XKR6: variants seen among roughly 807,000 people sequenced by gnomAD.
The protein encoded by XKR6 is XK-related protein 6.
XKR6 carries 22 observed loss-of-function variants against 56.7 expected under a neutral mutation model. The ratio of observed to expected loss-of-function variants is 0.39; its 90% CI spans 0.28 to 0.55. The LOEUF is 0.55. Among genes scored for constraint, XKR6 ranks in the 20% least tolerant of loss-of-function variants. The pLI, the probability that XKR6 is intolerant of heterozygous loss-of-function variation, is 0.66. For synonymous variants in XKR6, 524 were observed against 387.8 expected, an observed-to-expected ratio of 1.35 and a Z score of -4.13; for missense variants, 852 against 889.0, an observed-to-expected ratio of 0.96 and a Z score of 0.53.
intron 1 of XKR6, among the ~76,000 whole-genome samples, chr8:11,183,652 GA>G (rs1803114161): frequency 6.6e-6 from 1 of 152,046 alleles, no homozygotes; most frequent in African/African-American, 2.4e-5. Flanking sequence ...AATTATTTAA[GA>G]TTACATCTGT....
intron 1 of XKR6, among the ~76,000 whole-genome samples, chr8:10,994,802 G>A (rs760733455): frequency 3.3e-5 from 5 of 152,186 alleles, no homozygotes; most frequent in African/African-American, 4.8e-5. Flanking sequence ...AATACAGCCA[G>A]AATGCAAATA....
intron 1 of XKR6, among the ~76,000 whole-genome samples, chr8:10,999,746 C>A (rs892734619): frequency 3.3e-5 from 5 of 152,092 alleles, no homozygotes; most frequent in African/African-American, 1.2e-4. Context: ...TAAAAAGAAT[C>A]AGGAAATGAG....
intron 2 of XKR6, among the ~76,000 whole-genome samples, chr8:10,910,718 G>T (rs538817843): frequency 6.6e-6 from 1 of 152,198 alleles, no homozygotes; most frequent in Non-Finnish European, 1.5e-5. Context: ...GGCCCAGGAG[G>T]AGGAACGCTA....
At chr8:11,127,403 T>C (rs1486484975) in intron 1 of XKR6, among the ~76,000 whole-genome samples, 1 of 152,236 alleles carries the variant, frequency 6.6e-6, no homozygotes, top group African/African-American at 2.4e-5. Flanking sequence ...ATGTAACAAA[T>C]TACAATTACA....
chr8:11,130,558 C>G (rs1800054377), intron 1 of XKR6, among the ~76,000 whole-genome samples: 1 of 151,296 alleles, frequency 6.6e-6, no homozygotes, highest in African/African-American at 2.4e-5. Flanking sequence ...CTTCCTTAGG[C>G]TAAAGGGCTA....
chr8:11,021,699 G>A (rs975569581), intron 1 of XKR6, among the ~76,000 whole-genome samples: 1 of 152,072 alleles, frequency 6.6e-6, no homozygotes, highest in Non-Finnish European at 1.5e-5. Flanking sequence ...TATATTCTTG[G>A]TGCTTCTTTT....
In XKR6 at chr8:11,173,366, TACACAC is replaced by T. The variant is rs528628983; in HGVS notation, c.764+27204_764+27209del. On this transcript the variant is annotated intron_variant, in intron 1 of 2. Transcript: ENST00000416569. ...CTTAAAAAAAATATATATATATATA[TACACAC>T]ACACACACACACACAAATATATATA... 6.9e-5 allele frequency among the ~76,000 whole-genome samples: 10 copies of T among 143,974 alleles called. No homozygotes were observed. In the South Asian group the frequency reaches 1.3e-3, roughly 19 times the overall value. The allele number at this position is 143,974 out of a possible 152,430, so 94.5% of individuals were successfully genotyped here.
At chr8:10,912,735 C>A (rs1480359457) in intron 2 of XKR6, among the ~76,000 whole-genome samples, 4 of 135,990 alleles carry the variant, frequency 2.9e-5, no homozygotes, top group Non-Finnish European at 4.7e-5. Flanking sequence ...AGTGTATATG[C>A]ACATATATAG....
At chr8:11,102,373 G>C (rs981947760) in intron 1 of XKR6, among the ~76,000 whole-genome samples, 9 of 152,140 alleles carry the variant, frequency 5.9e-5, no homozygotes, top group African/African-American at 2.2e-4. Flanking sequence ...CTGAAGTCTA[G>C]TAAGCATCAT....
chr8:11,162,895 G>C (rs969810882), intron 1 of XKR6, among the ~76,000 whole-genome samples: 1 of 152,180 alleles, frequency 6.6e-6, no homozygotes, highest in African/African-American at 2.4e-5. Flanking sequence ...GAGTGTTTTA[G>C]GAGTTCACAG....
intron 1 of XKR6, among the ~76,000 whole-genome samples, chr8:11,179,816 A>C (rs1802872810): frequency 6.6e-6 from 1 of 152,188 alleles, no homozygotes; most frequent in African/African-American, 2.4e-5. Context: ...TTACCAAGGG[A>C]GAAAACAGAT....
At chr8:11,064,512 C>A (rs1379875868) in intron 1 of XKR6, among the ~76,000 whole-genome samples, 2 of 152,150 alleles carry the variant, frequency 1.3e-5, no homozygotes, top group Admixed American at 6.5e-5. Context: ...AGTGCTTAGT[C>A]AAAAGCATAC....
At chr8:10,989,685 T>C (rs983070630) in intron 1 of XKR6, among the ~76,000 whole-genome samples, 4 of 152,240 alleles carry the variant, frequency 2.6e-5, no homozygotes, top group African/African-American at 9.6e-5. Flanking sequence ...AAGTTGTGAA[T>C]GTTAAACAAT....
At chr8:11,131,030 G>A (rs183185720) in intron 1 of XKR6, among the ~76,000 whole-genome samples, 7 of 152,196 alleles carry the variant, frequency 4.6e-5, no homozygotes, top group Non-Finnish European at 7.4e-5. Flanking sequence ...ATGTAACTGA[G>A]GACCCTGTTT....
At chr8:11,123,714 T>C in intron 1 of XKR6, 2 of 374,108 alleles carry the variant, frequency 5.3e-6, no homozygotes, top group South Asian at 4.0e-5. Context: ...AGAGGCTGAA[T>C]CTCCTGAAGA....
rs60528204 is a variant in XKR6, at chr8:11,033,350, T to C, written c.765-108520A>G. Among the ~76,000 whole-genome samples, 418 of 133,942 alleles carry C rather than the reference T, an allele frequency of 3.1e-3. 5 individuals are homozygous for C. Among genetic ancestry groups the C allele is most frequent in the African/African-American group, 0.016 (390 of 24,770 alleles). 87.9% of individuals were successfully genotyped at this position (133,942 alleles called of 152,430 possible). A position where few individuals can be genotyped will look rare whatever the true frequency, so the allele number is the denominator to read the frequency against. ...GTGATGGTGATGGTGGTGGTGATGA[T>C]GATGATGACGATAGTGATGGTGATG... On this transcript the variant is annotated intron_variant, in intron 1 of 2. Coordinates refer to ENST00000416569, the MANE Select transcript of XKR6 (RefSeq NM_173683.4).
intron 1 of XKR6, among the ~76,000 whole-genome samples, chr8:11,074,990 G>C (rs573745296): frequency 8.5e-5 from 13 of 152,334 alleles, no homozygotes; most frequent in African/African-American, 2.9e-4. Context: ...AGGACGCAGA[G>C]CAGAGCCTGG....
intron 1 of XKR6, among the ~76,000 whole-genome samples, chr8:11,172,526 GATGGCTTCCCATGGAAGTCACTGGATT>G (rs1163040122): frequency 6.6e-6 from 1 of 152,128 alleles, no homozygotes; most frequent in Non-Finnish European, 1.5e-5. Context: ...CTTTCTCAAT[GATGGCTTCCCATGGAAGTCACTGGATT>G]ATCATAATGG....
intron 1 of XKR6, among the ~76,000 whole-genome samples, chr8:11,149,654 A>G (rs1380567843): frequency 2.0e-5 from 3 of 152,176 alleles, no homozygotes; most frequent in Non-Finnish European, 4.4e-5. Flanking sequence ...TGAGAATGTC[A>G]ATTAGTACAG....
Sources: allele counts gnomAD v4.1 joint callset (sites outside exome capture counted in the v4.1 genomes callset), GRCh38; gene constraint gnomAD v4.1.1; transcripts MANE v1.5; gene names NCBI Gene and HGNC (gene_info 2026-07-23, HGNC 2026-07-21).